The following MID1 variants were observed in gnomAD, a reference collection of about 807,000 sequenced individuals.
MID1 encodes midline 1, also known as E3 ubiquitin-protein ligase Midline-1.
A neutral mutation model predicts 40.4 loss-of-function variants in MID1; 7 were observed. The ratio of observed to expected loss-of-function variants is 0.17; its 90% confidence interval spans 0.10 to 0.33. The LOEUF is 0.33. MID1 is among the 10% of genes least tolerant of loss of function. The probability of loss-of-function intolerance (pLI) is 1.00; values close to 1 mark genes in which losing one functional copy is unlikely to be tolerated. For missense variants in MID1, 367 were observed against 558.5 expected (o/e 0.66, Z 3.46); for synonymous variants, 229 against 221.2 (o/e 1.04, Z -0.31).
intron 1 of MID1, among the ~76,000 whole-genome samples, chrX:10,604,440 C>A (rs1012844580): frequency 9.0e-6 from 1 of 111,512 alleles, no homozygotes; most frequent in Non-Finnish European, 1.9e-5. Flanking sequence ...ACTTTAAAAT[C>A]TAGCAGGACT....
At chrX:10,703,454 C>T (rs1220685439) in intron 1 of MID1, among the ~76,000 whole-genome samples, 1 of 111,634 alleles carries the variant, frequency 9.0e-6, no homozygotes, top group Non-Finnish European at 1.9e-5. Flanking sequence ...CCACCTGAGG[C>T]CAGGAGTTCG....
intron 3 of MID1, among the ~76,000 whole-genome samples, chrX:10,512,159 G>A (rs761184309): frequency 4.5e-5 from 5 of 112,066 alleles, no homozygotes; most frequent in Non-Finnish European, 5.6e-5. Context: ...GAGGTTAGAG[G>A]GTCAATGGTT....
intron 7 of MID1, among the ~76,000 whole-genome samples, chrX:10,467,193 TATCTC>T (rs1345644162): frequency 8.9e-6 from 1 of 112,113 alleles, no homozygotes; most frequent in Non-Finnish European, 1.9e-5. Flanking sequence ...AATGGAATGA[TATCTC>T]AGACATAATA....
intron 1 of MID1, among the ~76,000 whole-genome samples, chrX:10,741,276 A>G (rs1569159758): frequency 9.0e-6 from 1 of 111,330 alleles, no homozygotes; most frequent in Non-Finnish European, 1.9e-5. Context: ...ACCACTTTCA[A>G]CACTAAGAGG....
At position 10,660,323 on chromosome X, in the gene MID1, G is replaced by A. The variant is rs773794584; in HGVS notation, c.-186-39904C>T. ...CAAAGCGTCTTGTGTTATTGACGAT[G>A]GAGCACATTGTTGTGTTTAAGTCAT... On this transcript the variant is annotated intron_variant, in intron 1 of 10. Coordinates refer to the MID1 transcript ENST00000380785. Among the ~76,000 whole-genome samples the A allele has an allele frequency of 2.8e-3, 316 of 112,662 alleles. 1 individual carries two copies. The highest frequency in any genetic ancestry group is 9.9e-3 in the African/African-American group (307 of 31,031).
intron 2 of MID1, among the ~76,000 whole-genome samples, chrX:10,557,062 C>A (rs1191486425): frequency 8.9e-6 from 1 of 111,804 alleles, no homozygotes; most frequent in Non-Finnish European, 1.9e-5. Flanking sequence ...TCATTGACAT[C>A]ACTGTCCTAA....
intron 1 of MID1, among the ~76,000 whole-genome samples, chrX:10,699,565 A>G (rs1295569737): frequency 9.0e-6 from 1 of 111,626 alleles, no homozygotes; most frequent in East Asian, 2.8e-4. Flanking sequence ...CTGTATTGAT[A>G]GAAGGGGCTG....
chrX:10,446,843 G>A lies in MID1; in HGVS notation c.*2525C>T, dbSNP rs1928060903. On this transcript the variant is annotated 3_prime_UTR_variant, in exon 10 of 10. Transcript: ENST00000317552. Reference sequence around the variant, plus strand: ...TCTTGGTTGGTGCTGCATTGATTTTGTTGTATTAATTTAATTGGCACTGCC... The same window carrying A: ...TCTTGGTTGGTGCTGCATTGATTTTATTGTATTAATTTAATTGGCACTGCC... The A allele has an allele frequency of 8.9e-6, 1 of 112,067 alleles. No homozygotes were observed. The highest frequency in any genetic ancestry group is 1.9e-5 in the Non-Finnish European group (1 of 53,264). 9.2% of individuals were successfully genotyped at this position (112,067 alleles called of 1,213,427 possible). A position where few individuals can be genotyped will look rare whatever the true frequency, so the allele number is the denominator to read the frequency against.
chrX:10,726,788 C>T (rs756433765), intron 1 of MID1, among the ~76,000 whole-genome samples: 1 of 112,595 alleles, frequency 8.9e-6, no homozygotes, highest in South Asian at 3.7e-4. Flanking sequence ...AACTCGCTGA[C>T]CCACATTTTT....
rs530438180 is a variant in MID1 at position 10,658,152 on chromosome X, T to C, written c.-186-37733A>G. Among the ~76,000 whole-genome samples, 8 of 110,879 alleles carry C rather than the reference T, an allele frequency of 7.2e-5. No homozygotes were observed. In the South Asian group the frequency reaches 1.9e-3, roughly 26 times the overall value. On this transcript the variant is annotated intron_variant, in intron 1 of 10. Coordinates refer to the MID1 transcript ENST00000380785. Reference sequence around the variant, plus strand: ...TAATAGTTCTGAATGATGAACTTTCTTAAAAAATTGGGAATTTTGGCATCT... The same window carrying C: ...TAATAGTTCTGAATGATGAACTTTCCTAAAAAATTGGGAATTTTGGCATCT...
At chrX:10,804,394 T>C (rs2406684) in intron 1 of MID1, among the ~76,000 whole-genome samples, 7,236 of 111,459 alleles carry the variant, frequency 0.065, 572 homozygotes, top group African/African-American at 0.22. Flanking sequence ...CTGAGGTACA[T>C]AAATAAACCT....
At position 10,447,692 on chromosome X, in the gene MID1, G is replaced by A. The variant is rs763527560; in HGVS notation, c.*1676C>T. On this transcript the variant is annotated 3_prime_UTR_variant, in exon 10 of 10. Coordinates refer to ENST00000317552, the MANE Select transcript of MID1 (RefSeq NM_000381.4). Reference sequence around the variant, plus strand: ...AGAATCTATCTGTTAAGAAAAAGGAGAGTGTCTGCTAGGGAAGAGGATGGA... The same window carrying A: ...AGAATCTATCTGTTAAGAAAAAGGAAAGTGTCTGCTAGGGAAGAGGATGGA... The A allele has an allele frequency of 2.7e-5, 3 of 111,441 alleles. No homozygotes were observed. The highest frequency in any genetic ancestry group is 5.6e-5 in the Non-Finnish European group (3 of 53,145). 9.2% of individuals were successfully genotyped at this position (111,441 alleles called of 1,213,427 possible).
chrX:10,565,573 T>C (rs1850087031), intron 2 of MID1: 2 of 318,209 alleles, frequency 6.3e-6, no homozygotes, highest in Admixed American at 3.3e-5. Context: ...GGTATGTGTT[T>C]TTCCTGAGAG....
At chrX:10,559,257 TAA>T (rs1462740877) in intron 2 of MID1, among the ~76,000 whole-genome samples, 1 of 112,467 alleles carries the variant, frequency 8.9e-6, no homozygotes, top group African/African-American at 3.2e-5. Flanking sequence ...GTGCAATTAT[TAA>T]GTGTCCAACT....
At chrX:10,786,511 A>T (rs1411359029) in intron 1 of MID1, among the ~76,000 whole-genome samples, 1 of 111,363 alleles carries the variant, frequency 9.0e-6, no homozygotes, top group Non-Finnish European at 1.9e-5. Context: ...ATAAAGACAC[A>T]TGCACATGTA....
At chrX:10,756,591 C>G (rs1346599808) in intron 1 of MID1, among the ~76,000 whole-genome samples, 1 of 111,548 alleles carries the variant, frequency 9.0e-6, no homozygotes, top group African/African-American at 3.3e-5. Flanking sequence ...AAGCTCGGGT[C>G]AAGGCTACGT....
At chrX:10,453,634 G>A (rs1211785053) in intron 9 of MID1, among the ~76,000 whole-genome samples, 3 of 112,211 alleles carry the variant, frequency 2.7e-5, no homozygotes, top group Non-Finnish European at 5.6e-5. Context: ...TTATTGGAAC[G>A]CAGCCATGTC....
rs899197164 is a variant in MID1 at position 10,562,878 on chromosome X, TTAAATAAA to T, written c.660+4002_660+4009del. Among the ~76,000 whole-genome samples the T allele has an allele frequency of 7.5e-5, 8 of 106,682 alleles. 1 individual carries two copies. Among genetic ancestry groups the T allele is most frequent in the African/African-American group, 3.0e-4 (8 of 26,714 alleles). The allele number at this position is 106,682 out of a possible 115,157, so 92.6% of individuals were successfully genotyped here. A position where few individuals can be genotyped will look rare whatever the true frequency, so the allele number is the denominator to read the frequency against. ...ACTTAGATTCAGGAAGATTATAATA[TTAAATAAA>T]TAAATAAATGCATGTATGTATATGT... On this transcript the variant is annotated intron_variant, in intron 2 of 9. Transcript: ENST00000317552.
At chrX:10,471,927 T>C (rs1221900956) in intron 6 of MID1, among the ~76,000 whole-genome samples, 1 of 111,339 alleles carries the variant, frequency 9.0e-6, no homozygotes, top group East Asian at 2.8e-4. Context: ...TAACTTGATA[T>C]ACCACTTAGA....
Sources: allele counts gnomAD v4.1 joint callset (sites outside exome capture counted in the v4.1 genomes callset), GRCh38; gene constraint gnomAD v4.1.1; transcripts MANE v1.5; gene names NCBI Gene and HGNC (gene_info 2026-07-23, HGNC 2026-07-21).